The following ATG7 variants were observed in gnomAD, a reference collection of about 807,000 sequenced individuals.
The protein encoded by ATG7 is ubiquitin-like modifier-activating enzyme ATG7.
ATG7 carries 70 observed loss-of-function variants against 82.4 expected under a neutral mutation model. That is an observed-to-expected ratio of 0.85 (90% CI 0.70 to 1.04). The LOEUF (loss-of-function observed/expected upper bound fraction) is 1.04, where lower values mean the gene tolerates loss of function less well. Among genes scored for constraint, ATG7 ranks in the 50% least tolerant of loss-of-function variants. The probability of loss-of-function intolerance (pLI) is 0.00; values close to 1 mark genes in which losing one functional copy is unlikely to be tolerated. For missense variants in ATG7, 792 were observed against 864.3 expected, an observed-to-expected ratio of 0.92 and a Z score of 1.05; for synonymous variants, 287 against 313.0, an observed-to-expected ratio of 0.92 and a Z score of 0.88.
intron 20 of ATG7, among the ~76,000 whole-genome samples, chr3:11,552,207 G>A (rs889458381): frequency 6.6e-6 from 1 of 152,112 alleles, no homozygotes; most frequent in Non-Finnish European, 1.5e-5. Context: ...GGTGTGCTTT[G>A]ATATTACCTA....
chr3:11,278,458 G>A (rs1942363949), intron 1 of ATG7, among the ~76,000 whole-genome samples: 1 of 152,152 alleles, frequency 6.6e-6, no homozygotes, highest in Admixed American at 6.5e-5. Context: ...TCCGTTCAGG[G>A]TCCGTGACTT....
chr3:11,399,892 C>T (rs1013289817), intron 19 of ATG7, among the ~76,000 whole-genome samples: 5 of 152,108 alleles, frequency 3.3e-5, no homozygotes, highest in African/African-American at 4.8e-5. Context: ...TTTGTAGGGA[C>T]TTCGGATGTA....
At chr3:11,573,039 G>A in the ATG7 span, among the ~76,000 whole-genome samples, 23 of 151,784 alleles carry the variant, frequency 1.5e-4, no homozygotes, top group African/African-American at 5.6e-4. Flanking sequence ...GGTGGTGGGC[G>A]CCTGTAATCC....
At chr3:11,560,558 A>ATGAT (rs2072890495), downstream of ATG7, among the ~76,000 whole-genome samples, 1 of 152,360 alleles carries the variant, frequency 6.6e-6, no homozygotes, top group South Asian at 2.1e-4. Flanking sequence ...AGACCTTCTC[A>ATGAT]TGATAGACGA....
chr3:11,553,170 C>T (rs1166823000), intron 20 of ATG7, among the ~76,000 whole-genome samples: 1 of 152,202 alleles, frequency 6.6e-6, no homozygotes, highest in Non-Finnish European at 1.5e-5. Context: ...GCAGCCCGCC[C>T]CGCCCTTTTC....
intron 20 of ATG7, among the ~76,000 whole-genome samples, chr3:11,434,595 G>A (rs1281104509): frequency 1.3e-5 from 2 of 152,170 alleles, no homozygotes; most frequent in Admixed American, 6.5e-5. Context: ...AATAAAGCTT[G>A]GCAGTATCTC....
rs576606152 is a variant in ATG7 at position 11,360,496 on chromosome 3, A to G, written c.1480-85A>G. ...CACTTACATGCAAAAAATAAATTTTAAAAAGTTGAGCAAATATGGAATTAG... is the reference window on the plus strand; with the variant it reads ...CACTTACATGCAAAAAATAAATTTTGAAAAGTTGAGCAAATATGGAATTAG... On this transcript the variant is annotated intron_variant, in intron 15 of 20. Coordinates refer to ENST00000693202, the MANE Select transcript of ATG7 (RefSeq NM_001349232.2). 9 of 1,384,148 alleles carry G rather than the reference A, an allele frequency of 6.5e-6. No homozygotes were observed. In the South Asian group the frequency reaches 1.1e-4, roughly 17 times the overall value. 85.7% of individuals were successfully genotyped at this position (1,384,148 alleles called of 1,614,324 possible).
chr3:11,573,156 A>T, the ATG7 span, among the ~76,000 whole-genome samples: 24 of 147,314 alleles, frequency 1.6e-4, 1 homozygote, highest in South Asian at 4.6e-3. Context: ...ACAGGGCAAG[A>T]CTCCGTCTCA....
chr3:11,360,153 C>T (rs1279610934), intron 15 of ATG7, among the ~76,000 whole-genome samples: 1 of 152,248 alleles, frequency 6.6e-6, no homozygotes, highest in African/African-American at 2.4e-5. Flanking sequence ...TCAAGCATTT[C>T]TCATGCCTCT....
rs746884110 is a variant in ATG7, at chr3:11,554,808, C to T, written c.2080-3C>T. On this transcript the variant is annotated splice_polypyrimidine_tract_variant and splice_region_variant and intron_variant, in intron 20 of 20. Transcript: ENST00000693202. ...GGCTGAGCCTCTCCCCTTCTCCATG[C>T]AGATCTGGGACATGAGCGATGATGA... is the stretch of plus-strand genomic sequence containing the variant. 9 of 1,613,366 alleles carry T rather than the reference C, an allele frequency of 5.6e-6. No individual in the cohort carries two copies. The Admixed American group carries it at 1.5e-4, about 27-fold the overall frequency.
intron 20 of ATG7, among the ~76,000 whole-genome samples, chr3:11,428,671 C>T (rs1405733203): frequency 1.3e-5 from 2 of 152,152 alleles, no homozygotes; most frequent in East Asian, 1.9e-4. Context: ...TTATTGTCTG[C>T]CGTATTATCT....
intron 19 of ATG7, among the ~76,000 whole-genome samples, chr3:11,397,936 T>G (rs147167757): frequency 0.025 from 3,813 of 151,362 alleles, 154 homozygotes; most frequent in African/African-American, 0.085. Flanking sequence ...ATACAAAAAT[T>G]AGCTGAGCAT....
At chr3:11,472,323 G>A (rs1321819960) in intron 20 of ATG7, among the ~76,000 whole-genome samples, 1 of 151,614 alleles carries the variant, frequency 6.6e-6, no homozygotes, top group Non-Finnish European at 1.5e-5. Context: ...GGTAGCTCCA[G>A]GCTTACGTCC....
chr3:11,510,122 T>A, intron 20 of ATG7: 1 of 401,590 alleles, frequency 2.5e-6, no homozygotes, highest in South Asian at 1.8e-5. Context: ...CTGCAGAAAT[T>A]AGAAGGAAGG....
intron 20 of ATG7, among the ~76,000 whole-genome samples, chr3:11,508,684 C>G (rs1159035424): frequency 6.6e-6 from 1 of 152,178 alleles, no homozygotes; most frequent in East Asian, 1.9e-4. Flanking sequence ...CTCTTGGGCT[C>G]AAGTGATCCT....
chr3:11,492,489 C>G (rs2090453427), intron 20 of ATG7, among the ~76,000 whole-genome samples: 1 of 152,232 alleles, frequency 6.6e-6, no homozygotes, highest in Non-Finnish European at 1.5e-5. Flanking sequence ...GGCTCCAGCC[C>G]CTCCAGGATA....
chr3:11,576,070 A>G, the ATG7 span, among the ~76,000 whole-genome samples: 1 of 152,226 alleles, frequency 6.6e-6, no homozygotes, highest in Non-Finnish European at 1.5e-5. Flanking sequence ...TTTTTTAAGA[A>G]AAACTGATGT....
At position 11,427,038 on chromosome 3, in the gene ATG7, C is replaced by T. The variant is rs148170753; in HGVS notation, c.2079+112C>T. 9 of 1,290,552 alleles carry T rather than the reference C, an allele frequency of 7.0e-6. No homozygotes were observed. The East Asian group carries it at 2.1e-4, about 30-fold the overall frequency. The allele number at this position is 1,290,552 out of a possible 1,614,324, so 79.9% of individuals were successfully genotyped here. ...TAATTTTAATTTTTGTAACTTAGAGCAAATATCACTAAATAAGTCTGCTAG... is the reference window on the plus strand; with the variant it reads ...TAATTTTAATTTTTGTAACTTAGAGTAAATATCACTAAATAAGTCTGCTAG... On this transcript the variant is annotated intron_variant, in intron 20 of 20. Transcript: ENST00000693202.
In ATG7 at chr3:11,446,905, G is replaced by T. The variant is rs9681869; in HGVS notation, c.2079+19979G>T. The T allele has an allele frequency of 9.5e-3, 1,453 of 153,156 alleles. 25 individuals carry two copies. Among genetic ancestry groups the T allele is most frequent in the African/African-American group, 0.033 (1,383 of 41,552 alleles). 9.5% of individuals were successfully genotyped at this position (153,156 alleles called of 1,614,324 possible). ...CCATCTACCTCTGTGTATCTTCAAA[G>T]GTCTCTGTAATAAAAAGTTTTCTGA... On this transcript the variant is annotated intron_variant, in intron 20 of 20. Coordinates refer to ENST00000693202, the MANE Select transcript of ATG7 (RefSeq NM_001349232.2).
Sources: allele counts gnomAD v4.1 joint callset (sites outside exome capture counted in the v4.1 genomes callset), GRCh38; gene constraint gnomAD v4.1.1; transcripts MANE v1.5; gene names NCBI Gene and HGNC (gene_info 2026-07-23, HGNC 2026-07-21).